Variants in NRG3 observed in about 807,000 individuals in gnomAD.
The protein encoded by NRG3 is pro-neuregulin-3, membrane-bound isoform.
A neutral mutation model predicts 66.9 loss-of-function variants in NRG3; 31 were observed. The observed-to-expected ratio is 0.46, with a 90% CI of 0.35 to 0.63. The LOEUF (loss-of-function observed/expected upper bound fraction) is 0.63. Among genes scored for constraint, NRG3 ranks in the 20% least tolerant of loss-of-function variants. NRG3 has a pLI of 0.00. For missense variants in NRG3, 910 were observed against 878.9 expected, an observed-to-expected ratio of 1.04 and a Z score of -0.45; for synonymous variants, 393 against 359.4, an observed-to-expected ratio of 1.09 and a Z score of -1.06.
At chr10:82,299,094 A>G (rs2080243842) in intron 1 of NRG3, among the ~76,000 whole-genome samples, 1 of 152,134 alleles carries the variant, frequency 6.6e-6, no homozygotes, top group South Asian at 2.1e-4. Flanking sequence ...CCCACCCACC[A>G]TGGAGATTGG....
intron 1 of NRG3, among the ~76,000 whole-genome samples, chr10:82,255,600 AAAAC>A (rs773640069): frequency 1.6e-4 from 25 of 152,212 alleles, no homozygotes; most frequent in Middle Eastern, 3.4e-3. Context: ...TAAAAAACAA[AAAAC>A]AAACAAACAA....
intron 1 of NRG3, among the ~76,000 whole-genome samples, chr10:82,149,332 G>A (rs2070513914): frequency 6.6e-6 from 1 of 151,942 alleles, no homozygotes; most frequent in Admixed American, 6.6e-5. Context: ...TGATTATATT[G>A]ACAAAGTCAT....
chr10:82,531,667 G>A (rs1847282050), intron 2 of NRG3, among the ~76,000 whole-genome samples: 1 of 151,822 alleles, frequency 6.6e-6, no homozygotes, highest in African/African-American at 2.4e-5. Flanking sequence ...ATGACAGAGT[G>A]TTCTGTGAAT....
chr10:82,743,822 G>C (rs1297880948), intron 3 of NRG3, among the ~76,000 whole-genome samples: 2 of 152,156 alleles, frequency 1.3e-5, no homozygotes, highest in Admixed American at 6.5e-5. Context: ...TTAACAGAAA[G>C]TTTTCCCCCA....
At chr10:82,738,748 G>A (rs1565261291) in intron 3 of NRG3, 98 bp downstream of exon 3, 1 of 1,074,428 alleles carries the variant, frequency 9.3e-7, no homozygotes, top group Non-Finnish European at 1.4e-6. Context: ...TTTCAGTCTT[G>A]TGTCTCTGAA....
At chr10:81,924,209 G>T (rs1047956852) in intron 1 of NRG3, among the ~76,000 whole-genome samples, 3 of 152,104 alleles carry the variant, frequency 2.0e-5, no homozygotes, top group African/African-American at 7.2e-5. Context: ...GCTCTTCAGA[G>T]GTTACCACAA....
At chr10:82,409,701 C>T (rs1278570719) in intron 2 of NRG3, among the ~76,000 whole-genome samples, 1 of 152,002 alleles carries the variant, frequency 6.6e-6, no homozygotes, top group Non-Finnish European at 1.5e-5. Flanking sequence ...TTATTTTGCT[C>T]ATGATTTTTG....
intron 1 of NRG3, among the ~76,000 whole-genome samples, chr10:82,280,291 A>C (rs907422894): frequency 3.9e-5 from 6 of 152,202 alleles, no homozygotes; most frequent in Non-Finnish European, 8.8e-5. Context: ...CACTTAAAAC[A>C]GGTGGGTTCC....
At chr10:81,964,395 C>CAA (rs58231167) in intron 1 of NRG3, among the ~76,000 whole-genome samples, 648 of 65,214 alleles carry the variant, frequency 9.9e-3, no homozygotes, top group Non-Finnish European at 0.013. Context: ...GACTCTGTCT[C>CAA]AAAAAAAAAA....
chr10:82,474,724 A>G (rs1202855730), intron 2 of NRG3, among the ~76,000 whole-genome samples: 1 of 152,146 alleles, frequency 6.6e-6, no homozygotes, highest in Non-Finnish European at 1.5e-5. Context: ...ATGACTGAAA[A>G]CATACTAAAT....
At chr10:82,050,424 T>A (rs2063536298) in intron 1 of NRG3, among the ~76,000 whole-genome samples, 1 of 151,974 alleles carries the variant, frequency 6.6e-6, no homozygotes, top group South Asian at 2.1e-4. Flanking sequence ...GATGAATAGA[T>A]GAATGGGTGG....
chr10:82,765,740 T>C (rs1372893725), intron 3 of NRG3, among the ~76,000 whole-genome samples: 2 of 152,178 alleles, frequency 1.3e-5, no homozygotes, highest in Non-Finnish European at 2.9e-5. Flanking sequence ...ATGATAATAA[T>C]GTGGTATGCA....
intron 1 of NRG3, among the ~76,000 whole-genome samples, chr10:81,905,515 A>G (rs1844518173): frequency 6.6e-6 from 1 of 152,136 alleles, no homozygotes; most frequent in Non-Finnish European, 1.5e-5. Context: ...TTTCTTTTAT[A>G]TCTTTTAGTG....
At position 82,977,946 on chromosome 10, in the gene NRG3, T is replaced by A. The variant is rs7072679; in HGVS notation, c.1413-1004T>A. 4.9e-3 allele frequency among the ~76,000 whole-genome samples: 739 copies of A among 152,308 alleles called. 6 individuals carry two copies. The highest frequency in any genetic ancestry group is 0.017 in the African/African-American group (700 of 41,566). ...TAGAACCTTGATAAATTTATTGAAA[T>A]TTTGAGAATGTTTTCATCTTTCTTT... On this transcript the variant is annotated intron_variant, in intron 7 of 8. Coordinates refer to ENST00000372141, the MANE Select transcript of NRG3 (RefSeq NM_001010848.4).
intron 3 of NRG3, among the ~76,000 whole-genome samples, chr10:82,745,643 G>C (rs1465556532): frequency 1.3e-5 from 2 of 152,208 alleles, no homozygotes; most frequent in East Asian, 1.9e-4. Flanking sequence ...CTGTCAGGTT[G>C]TATATTTTTA....
At chr10:82,620,715 C>T (rs2048988604) in intron 2 of NRG3, among the ~76,000 whole-genome samples, 1 of 152,162 alleles carries the variant, frequency 6.6e-6, no homozygotes, top group Admixed American at 6.5e-5. Flanking sequence ...GAAGTTCTCA[C>T]TTTGGGCCAC....
At chr10:82,624,552 G>T (rs895721925) in intron 2 of NRG3, among the ~76,000 whole-genome samples, 1 of 151,878 alleles carries the variant, frequency 6.6e-6, no homozygotes, top group Non-Finnish European at 1.5e-5. Flanking sequence ...TATGAAACTG[G>T]AAACGTAAAT....
chr10:81,943,578 G>C (rs1460001817), intron 1 of NRG3, among the ~76,000 whole-genome samples: 1 of 152,128 alleles, frequency 6.6e-6, no homozygotes, highest in Non-Finnish European at 1.5e-5. Context: ...CTACTGCCTG[G>C]ATCTGAAAGG....
intron 1 of NRG3, among the ~76,000 whole-genome samples, chr10:82,173,593 A>C (rs191666789): frequency 6.6e-6 from 1 of 151,896 alleles, no homozygotes; most frequent in Non-Finnish European, 1.5e-5. Context: ...CAGGTGAGCA[A>C]GCAAGATGAG....
Sources: gnomAD v4.1 joint callset for allele counts (sites outside exome capture counted in the v4.1 genomes callset) on GRCh38, gnomAD v4.1.1 for gene constraint, MANE v1.5 for transcripts, NCBI Gene and HGNC (gene_info 2026-07-23, HGNC 2026-07-21) for gene names.